Variants in SGSM1 observed in about 807,000 individuals in gnomAD.
The protein encoded by SGSM1 is small G protein signaling modulator 1.
Under a neutral mutation model 133.8 loss-of-function variants are expected in SGSM1, and 73 were observed. The observed-to-expected ratio is 0.55, with a 90% CI of 0.45 to 0.66. The LOEUF is 0.66. SGSM1 is among the 30% of genes least tolerant of loss of function. The pLI, the probability that SGSM1 is intolerant of heterozygous loss-of-function variation, is 0.00. For missense variants in SGSM1, 1,213 were observed against 1,448.1 expected (o/e 0.84, Z 2.64); for synonymous variants, 563 against 573.0 (o/e 0.98, Z 0.25).
intron 8 of SGSM1, among the ~76,000 whole-genome samples, chr22:24,858,419 A>G (rs766164596): frequency 6.6e-6 from 1 of 152,136 alleles, no homozygotes; most frequent in Non-Finnish European, 1.5e-5. Context: ...GTTTGAGACT[A>G]GCCTGGCCAA....
intron 9 of SGSM1, among the ~76,000 whole-genome samples, chr22:24,862,827 T>G (rs1361663563): frequency 6.6e-6 from 1 of 152,204 alleles, no homozygotes; most frequent in Non-Finnish European, 1.5e-5. Context: ...TCCACCTCAA[T>G]GAGCCTCAGG....
At chr22:24,825,705 C>T (rs953904537) in intron 2 of SGSM1, among the ~76,000 whole-genome samples, 1 of 152,210 alleles carries the variant, frequency 6.6e-6, no homozygotes, top group African/African-American at 2.4e-5. Context: ...GCTGGGATTA[C>T]AGGCGTGAGG....
At position 24,886,660 on chromosome 22, in the gene SGSM1, C is replaced by T. The variant is rs1932622985; in HGVS notation, c.1702C>T (p.Arg568Cys). 2 of 1,563,486 alleles carry T rather than the reference C, an allele frequency of 1.3e-6. No individual in the cohort carries two copies. The highest frequency in any genetic ancestry group is 1.4e-5 in the African/African-American group (1 of 73,578). Reference protein sequence around the residue: ...IYYGGIQPEIRKAVWPFLLGH... With the variant: ...IYYGGIQPEICKAVWPFLLGH... ...CTACGGGGGCATCCAGCCTGAGATC[C>T]GCAAGGCCGTGTGGCCCTTCCTCCT... The change falls in exon 16 of 25, where the codon CGC (arginine) becomes TGC (cysteine). Residue 568 changes from arginine to cysteine, a missense_variant. Coordinates refer to ENST00000400358, the MANE Select transcript of SGSM1 (RefSeq NM_001098497.3).
chr22:24,903,310 G>A (rs1933231250), intron 20 of SGSM1, among the ~76,000 whole-genome samples: 1 of 151,620 alleles, frequency 6.6e-6, no homozygotes, highest in Non-Finnish European at 1.5e-5. Flanking sequence ...CTGGGTTCAA[G>A]CAATTCTCCT....
At chr22:24,892,350 G>A (rs936118263) in intron 16 of SGSM1, among the ~76,000 whole-genome samples, 7 of 152,024 alleles carry the variant, frequency 4.6e-5, no homozygotes, top group Non-Finnish European at 7.4e-5. Flanking sequence ...CAGCCAATCC[G>A]TCCCCGTGGT....
chr22:24,823,046 A>C (rs1928574011), intron 2 of SGSM1, among the ~76,000 whole-genome samples: 1 of 152,202 alleles, frequency 6.6e-6, no homozygotes, highest in Admixed American at 6.5e-5. Context: ...CAGGAAAGAC[A>C]GTCCTGGATT....
At chr22:24,853,624 TGA>T (rs965540722) in intron 5 of SGSM1, among the ~76,000 whole-genome samples, 1 of 151,164 alleles carries the variant, frequency 6.6e-6, no homozygotes, top group Non-Finnish European at 1.5e-5. Context: ...TTTTTTTTTT[TGA>T]GATGGAGTCT....
At chr22:24,839,330 C>A (rs1365578333) in intron 2 of SGSM1, among the ~76,000 whole-genome samples, 1 of 152,190 alleles carries the variant, frequency 6.6e-6, no homozygotes, top group East Asian at 1.9e-4. Flanking sequence ...TCCCAAAGTG[C>A]TGGGATTATA....
In SGSM1 at chr22:24,868,684, T is replaced by C. The variant is rs200117493; in HGVS notation, c.1159-39T>C. 124 of 1,612,264 alleles carry C rather than the reference T, an allele frequency of 7.7e-5. 1 individual carries two copies. The African/African-American group carries it at 1.6e-3, about 20-fold the overall frequency. On this transcript the variant is annotated intron_variant, in intron 11 of 24. Coordinates refer to ENST00000400358, the MANE Select transcript of SGSM1 (RefSeq NM_001098497.3). Reference sequence around the variant, plus strand: ...AGACTAAGCAAGTTGTGGGGACAGATGTGTCCCAAGGACCTTGTTTTGGGA... The same window carrying C: ...AGACTAAGCAAGTTGTGGGGACAGACGTGTCCCAAGGACCTTGTTTTGGGA...
At chr22:24,898,651 A>G in intron 19 of SGSM1, 92 bp downstream of exon 19, 1 of 1,263,782 alleles carries the variant, frequency 7.9e-7, no homozygotes, top group Non-Finnish European at 1.1e-6. Flanking sequence ...ATGACCCCGG[A>G]GTCAGACCTC....
chr22:24,884,453 A>C (rs539994905), intron 15 of SGSM1, among the ~76,000 whole-genome samples: 1 of 152,192 alleles, frequency 6.6e-6, no homozygotes, highest in South Asian at 2.1e-4. Context: ...AGTCTGTAGC[A>C]TTTATTATTA....
chr22:24,858,029 T>A (rs1930908963), intron 8 of SGSM1, among the ~76,000 whole-genome samples: 1 of 152,122 alleles, frequency 6.6e-6, no homozygotes, highest in African/African-American at 2.4e-5. Context: ...CAGGCTGGAG[T>A]GCAGTGGTGT....
chr22:24,816,028 C>T (rs999565187), intron 2 of SGSM1, among the ~76,000 whole-genome samples: 1 of 152,216 alleles, frequency 6.6e-6, no homozygotes, highest in Non-Finnish European at 1.5e-5. Context: ...GGGCCAGTTT[C>T]AGTGATACTT....
In SGSM1 at chr22:24,893,601, C is replaced by A. The variant is rs1256170241; in HGVS notation, c.1941C>A (p.Thr647=). Residue 647 remains threonine (T), a synonymous_variant, in exon 17 of 25, where the codon ACC becomes ACA. Coordinates refer to ENST00000400358, the MANE Select transcript of SGSM1 (RefSeq NM_001098497.3). Reference sequence around the variant, plus strand: ...ACCGGATGTTGCACAGGGACTCAACCATCAGCAATGAGGTGATGGGCGGCT... The same window carrying A: ...ACCGGATGTTGCACAGGGACTCAACAATCAGCAATGAGGTGATGGGCGGCT... ...HLHRMLHRDS[T]ISNESSQSCS... 2.5e-6 allele frequency: 4 copies of A among 1,574,882 alleles called. No individual in the cohort carries two copies. Among genetic ancestry groups the A allele is most frequent in the African/African-American group, 1.3e-5 (1 of 74,258 alleles).
chr22:24,823,385 G>A (rs1928598423), intron 2 of SGSM1, among the ~76,000 whole-genome samples: 1 of 150,850 alleles, frequency 6.6e-6, no homozygotes, highest in Non-Finnish European at 1.5e-5. Context: ...GGCAGATCAC[G>A]AGGTCAGGAG....
intron 2 of SGSM1, among the ~76,000 whole-genome samples, chr22:24,821,589 A>G (rs986432003): frequency 1.3e-5 from 2 of 152,182 alleles, no homozygotes; most frequent in Admixed American, 1.3e-4. Flanking sequence ...CAAAAGCTCC[A>G]AAGTCCATTG....
At position 24,847,634 on chromosome 22, in the gene SGSM1, C is replaced by T. The variant is rs1160723412; in HGVS notation, c.140C>T (p.Ala47Val). 14 of 1,612,744 alleles carry T rather than the reference C, an allele frequency of 8.7e-6. No homozygotes were observed. The highest frequency in any genetic ancestry group is 3.3e-5 in the South Asian group (3 of 90,942). The part of the protein sequence containing the change: ...EDSSHIISFC[A>V]AVEACVLHGL... ...TCTGCTGACTGCCATGTCCCTGCAG[C>T]GGCTGTGGAGGCCTGCGTTCTGCAC... The change falls in exon 4 of 25, where the codon GCG (alanine) becomes GTG (valine). Residue 47 changes from alanine (A) to valine (V), a missense_variant and splice_region_variant. By Grantham distance (64) the Ala-to-Val change is moderately conservative. Coordinates refer to ENST00000400358, the MANE Select transcript of SGSM1 (RefSeq NM_001098497.3).
intron 22 of SGSM1, among the ~76,000 whole-genome samples, chr22:24,914,570 C>T (rs1382194002): frequency 6.6e-6 from 1 of 152,058 alleles, no homozygotes; most frequent in Non-Finnish European, 1.5e-5. Context: ...CAGTGGTAAG[C>T]ACTTTGCAGA....
intron 2 of SGSM1, 112 bp from the exon 3 acceptor site, chr22:24,844,785 C>T: frequency 2.2e-6 from 2 of 896,056 alleles, no homozygotes; most frequent in South Asian, 1.8e-5. Context: ...CAAAACATCC[C>T]AAACAGCCTG....
Sources: gnomAD v4.1 joint callset for allele counts (sites outside exome capture counted in the v4.1 genomes callset) on GRCh38, gnomAD v4.1.1 for gene constraint, MANE v1.5 for transcripts, NCBI Gene and HGNC (gene_info 2026-07-23, HGNC 2026-07-21) for gene names.